Variants in GABRB2 observed in about 807,000 individuals in gnomAD.
GABRB2 encodes the protein gamma-aminobutyric acid receptor subunit beta-2.
GABRB2 carries 16 observed loss-of-function variants against 54.7 expected under a neutral mutation model. That is an observed-to-expected ratio of 0.29 (90% CI 0.20 to 0.44). The LOEUF is 0.44. Among genes scored for constraint, GABRB2 ranks in the 20% least tolerant of loss-of-function variants. The pLI is 1.00. For missense variants in GABRB2, 355 were observed against 644.0 expected (o/e 0.55, Z 4.86); for synonymous variants, 244 against 233.8 (o/e 1.04, Z -0.40).
At chr5:161,463,572 T>TAG (rs1293350530) in intron 3 of GABRB2, among the ~76,000 whole-genome samples, 34 of 122,158 alleles carry the variant, frequency 2.8e-4, no homozygotes, top group Non-Finnish European at 5.0e-4. Flanking sequence ...TATATATATA[T>TAG]ATATATATAT....
At position 161,305,441 on chromosome 5, in the gene GABRB2, T is replaced by C. The variant is rs1371043289; in HGVS notation, c.1192-11013A>G. Among the ~76,000 whole-genome samples, 4 of 152,242 alleles carry C rather than the reference T, an allele frequency of 2.6e-5. No homozygotes were observed. In the East Asian group the frequency reaches 7.7e-4, roughly 29 times the overall value. On this transcript the variant is annotated intron_variant, in intron 9 of 9. Coordinates refer to ENST00000393959, the MANE Select transcript of GABRB2 (RefSeq NM_001371727.1). ...ATGAGCTTACATAAGCTCCAAATCC[T>C]ATTTTTGACAAGTTTCAGGGAGGTA...
chr5:161,314,781 TCCA>T (rs1561604391), intron 9 of GABRB2, among the ~76,000 whole-genome samples: 2 of 152,060 alleles, frequency 1.3e-5, no homozygotes, highest in Non-Finnish European at 1.5e-5. Flanking sequence ...CCATAATCTT[TCCA>T]GAATTTTCCC....
At chr5:161,329,899 G>A (rs1753780833) in intron 8 of GABRB2, 1 of 152,192 alleles carries the variant, frequency 6.6e-6, no homozygotes, top group South Asian at 2.1e-4. Flanking sequence ...TGCAGCAAGT[G>A]CTATAACAGG....
At chr5:161,486,830 C>T (rs1165924244) in intron 3 of GABRB2, among the ~76,000 whole-genome samples, 1 of 151,890 alleles carries the variant, frequency 6.6e-6, no homozygotes, top group East Asian at 1.9e-4. Context: ...CCAGAAAGGT[C>T]ATTGTGATGA....
chr5:161,490,639 A>T (rs1759071602), intron 3 of GABRB2, among the ~76,000 whole-genome samples: 1 of 151,698 alleles, frequency 6.6e-6, no homozygotes, highest in African/African-American at 2.4e-5. Flanking sequence ...TCTCAGTTTT[A>T]CAGAAGAGGA....
intron 3 of GABRB2, among the ~76,000 whole-genome samples, chr5:161,466,091 T>C (rs542149743): frequency 6.6e-5 from 10 of 152,130 alleles, no homozygotes; most frequent in African/African-American, 2.2e-4. Flanking sequence ...GTTTTTTTTG[T>C]TGTTGTTGAA....
intron 3 of GABRB2, among the ~76,000 whole-genome samples, chr5:161,531,337 T>G (rs1760455717): frequency 6.6e-6 from 1 of 152,162 alleles, no homozygotes; most frequent in African/African-American, 2.4e-5. Context: ...CACAGAAACC[T>G]GACAATTTTT....
intron 5 of GABRB2, among the ~76,000 whole-genome samples, chr5:161,371,245 AC>A (rs200821544): frequency 0.012 from 1,827 of 152,298 alleles, 34 homozygotes; most frequent in African/African-American, 0.041. Flanking sequence ...TTTTAGAAAG[AC>A]CTCAAAGTTA....
rs533786894 is a variant in GABRB2 at position 161,517,799 on chromosome 5, A to G, written c.237+27428T>C. Among the ~76,000 whole-genome samples the G allele has an allele frequency of 2.8e-5, 4 of 144,408 alleles. No individual in the cohort carries two copies. In the South Asian group the frequency reaches 8.9e-4, roughly 32 times the overall value. 94.7% of individuals were successfully genotyped at this position (144,408 alleles called of 152,430 possible). ...AAGGAAGTGCAACTGAAAATTTCTG[A>G]TTTTTTTTTTTTTTTGAGACAGAGT... On this transcript the variant is annotated intron_variant, in intron 3 of 9. Transcript: ENST00000393959.
intron 9 of GABRB2, among the ~76,000 whole-genome samples, chr5:161,296,790 G>T (rs1279777674): frequency 6.6e-6 from 1 of 152,160 alleles, no homozygotes; most frequent in Non-Finnish European, 1.5e-5. Context: ...AATAATACTG[G>T]GGTTGGAGTC....
chr5:161,331,701 A>G (rs574624393), intron 7 of GABRB2, among the ~76,000 whole-genome samples: 2 of 152,218 alleles, frequency 1.3e-5, no homozygotes, highest in African/African-American at 4.8e-5. Flanking sequence ...AAGAATCGTG[A>G]GAAGACTGGA....
At chr5:161,504,870 T>G (rs1759556609) in intron 3 of GABRB2, among the ~76,000 whole-genome samples, 1 of 151,332 alleles carries the variant, frequency 6.6e-6, no homozygotes. Flanking sequence ...AACAAGTTCA[T>G]TCAGAGAGAC....
At chr5:161,458,959 A>C (rs1758044842) in intron 4 of GABRB2, among the ~76,000 whole-genome samples, 1 of 151,788 alleles carries the variant, frequency 6.6e-6, no homozygotes, top group Non-Finnish European at 1.5e-5. Flanking sequence ...TTTCAGAGAA[A>C]GATATATTTT....
chr5:161,319,503 G>A (rs1325582627), intron 9 of GABRB2, among the ~76,000 whole-genome samples: 2 of 150,178 alleles, frequency 1.3e-5, no homozygotes, highest in Admixed American at 6.6e-5. Flanking sequence ...ATTTGAAATA[G>A]CACTCTGTGG....
chr5:161,331,459 T>C (rs1453863140), intron 7 of GABRB2, among the ~76,000 whole-genome samples: 1 of 152,184 alleles, frequency 6.6e-6, no homozygotes, highest in Non-Finnish European at 1.5e-5. Flanking sequence ...CTAGGTCAAC[T>C]TTCTGATGTG....
At chr5:161,489,160 G>T (rs184368370) in intron 3 of GABRB2, among the ~76,000 whole-genome samples, 2 of 151,658 alleles carry the variant, frequency 1.3e-5, no homozygotes, top group Admixed American at 6.6e-5. Flanking sequence ...ATAAGTAATA[G>T]ATTTTCTAAT....
At chr5:161,479,305 A>T (rs967346657) in intron 3 of GABRB2, among the ~76,000 whole-genome samples, 1 of 152,010 alleles carries the variant, frequency 6.6e-6, no homozygotes, top group African/African-American at 2.4e-5. Flanking sequence ...GAAGTGGAAT[A>T]CCCTCCTTTG....
In GABRB2 at chr5:161,319,428, ATT is replaced by A. The variant is rs548868741; in HGVS notation, c.1191+6938_1191+6939del. On this transcript the variant is annotated intron_variant, in intron 9 of 9. Transcript: ENST00000393959. ...TATATTATATATATTTTATATATTT[ATT>A]TTATATATATATAAAGTTTTTCACC... Among the ~76,000 whole-genome samples the A allele has an allele frequency of 2.5e-3, 375 of 147,832 alleles. 1 individual carries two copies. The Middle Eastern group carries it at 0.029, about 11-fold the overall frequency.
chr5:161,406,476 C>A (rs1231905718), intron 5 of GABRB2, among the ~76,000 whole-genome samples: 1 of 151,872 alleles, frequency 6.6e-6, no homozygotes, highest in Non-Finnish European at 1.5e-5. Flanking sequence ...CAATCCGTGG[C>A]AGTATGGGAC....
Sources: allele counts gnomAD v4.1 joint callset (sites outside exome capture counted in the v4.1 genomes callset), GRCh38; gene constraint gnomAD v4.1.1; transcripts MANE v1.5; gene names NCBI Gene and HGNC (gene_info 2026-07-23, HGNC 2026-07-21).